Variants in ROBO1 observed in about 807,000 individuals in gnomAD.
The protein encoded by ROBO1 is roundabout homolog 1.
Under a neutral mutation model 195.9 loss-of-function variants are expected in ROBO1, and 149 were observed. The observed-to-expected ratio is 0.76, with a 90% CI of 0.67 to 0.87. The LOEUF (loss-of-function observed/expected upper bound fraction) is 0.87. Ranked by LOEUF, ROBO1 falls within the 40% of genes least tolerant of loss-of-function variation. ROBO1 has a pLI of 0.00. For missense variants in ROBO1, 1,933 were observed against 2,068.3 expected (o/e 0.93, Z 1.27); for synonymous variants, 816 against 733.2 (o/e 1.11, Z -1.82).
At chr3:79,363,543 T>C (rs2035852076) in intron 2 of ROBO1, among the ~76,000 whole-genome samples, 1 of 152,242 alleles carries the variant, frequency 6.6e-6, no homozygotes, top group Non-Finnish European at 1.5e-5. Flanking sequence ...ATATTTTTCC[T>C]GGAAGACCGT....
At chr3:78,661,801 T>C (rs547530542) in intron 15 of ROBO1, among the ~76,000 whole-genome samples, 192 bp downstream of exon 15, 16 of 152,162 alleles carry the variant, frequency 1.1e-4, no homozygotes, top group African/African-American at 3.9e-4. Context: ...TGCAGCACAA[T>C]AGGAAAAAAA....
intron 3 of ROBO1, among the ~76,000 whole-genome samples, chr3:78,943,059 A>C (rs928534722): frequency 6.6e-6 from 1 of 151,488 alleles, no homozygotes; most frequent in Admixed American, 6.6e-5. Context: ...CTAAAAATAC[A>C]AAAAAAATTA....
At chr3:79,371,588 A>G (rs1215315240) in intron 2 of ROBO1, among the ~76,000 whole-genome samples, 1 of 152,124 alleles carries the variant, frequency 6.6e-6, no homozygotes, top group Non-Finnish European at 1.5e-5. Context: ...TGCACATGTA[A>G]ACATGCAAAA....
chr3:78,884,350 G>A (rs555835299), intron 4 of ROBO1, among the ~76,000 whole-genome samples: 5 of 152,110 alleles, frequency 3.3e-5, no homozygotes, highest in Non-Finnish European at 5.9e-5. Flanking sequence ...GGTGGCTCAC[G>A]TCTGTAATCC....
chr3:79,438,326 T>C (rs1461498138), intron 2 of ROBO1, among the ~76,000 whole-genome samples: 1 of 151,942 alleles, frequency 6.6e-6, no homozygotes, highest in African/African-American at 2.4e-5. Context: ...CAATTTATAT[T>C]AACACTAACA....
intron 4 of ROBO1, among the ~76,000 whole-genome samples, chr3:78,787,583 C>T (rs1479984234): frequency 6.6e-6 from 1 of 152,144 alleles, no homozygotes; most frequent in Non-Finnish European, 1.5e-5. Context: ...CAAGCTATCA[C>T]CTATGTGCGG....
intron 3 of ROBO1, among the ~76,000 whole-genome samples, chr3:79,017,450 A>AGTGTGTGTGTGTGTGTGTGT (rs60522056): frequency 1.5e-5 from 2 of 133,432 alleles, no homozygotes; most frequent in Non-Finnish European, 3.2e-5. Flanking sequence ...TCCGAGGTGC[A>AGTGTGTGTGTGTGTGTGTGT]GTGTGTGTGT....
intron 2 of ROBO1, among the ~76,000 whole-genome samples, chr3:79,479,203 T>A (rs7642374): frequency 0.055 from 8,335 of 152,246 alleles, 752 homozygotes; most frequent in African/African-American, 0.19. Flanking sequence ...CCAACCTTTT[T>A]GGCACCTGGG....
chr3:79,700,317 T>TTGTGTGTGTGTGTGTGTG (rs71130610), intron 1 of ROBO1, among the ~76,000 whole-genome samples: 16 of 144,250 alleles, frequency 1.1e-4, no homozygotes, highest in South Asian at 6.6e-4. Flanking sequence ...GTGTGTGTGT[T>TTGTGTGTGTGTGTGTGTG]TGTGTGTGTG....
At chr3:78,677,789 C>A (rs1708530046) in intron 10 of ROBO1, among the ~76,000 whole-genome samples, 1 of 152,118 alleles carries the variant, frequency 6.6e-6, no homozygotes. Context: ...AACAAGCATA[C>A]CCAGGAATTG....
intron 2 of ROBO1, among the ~76,000 whole-genome samples, chr3:79,305,558 G>T (rs1418329004): frequency 1.4e-5 from 2 of 146,180 alleles, no homozygotes; most frequent in African/African-American, 5.0e-5. Context: ...ATACATTTTA[G>T]AAAATATTTT....
intron 2 of ROBO1, among the ~76,000 whole-genome samples, chr3:79,336,305 G>A (rs568524985): frequency 1.3e-5 from 2 of 152,292 alleles, no homozygotes; most frequent in African/African-American, 4.8e-5. Flanking sequence ...GGAAGCCTAG[G>A]AGGGAAAAAT....
At chr3:79,592,546 T>G (rs1436699420) in intron 1 of ROBO1, among the ~76,000 whole-genome samples, 1 of 151,990 alleles carries the variant, frequency 6.6e-6, no homozygotes, top group Admixed American at 6.6e-5. Flanking sequence ...TTTTAATAGA[T>G]TTTACCTTTT....
At chr3:79,620,465 CG>C (rs941429893) in intron 1 of ROBO1, among the ~76,000 whole-genome samples, 5 of 152,052 alleles carry the variant, frequency 3.3e-5, no homozygotes, top group African/African-American at 1.2e-4. Context: ...TGGGTATCGA[CG>C]GCCAGGCTTC....
At chr3:78,886,002 A>C (rs2036547943) in intron 4 of ROBO1, among the ~76,000 whole-genome samples, 1 of 148,756 alleles carries the variant, frequency 6.7e-6, no homozygotes, top group Non-Finnish European at 1.5e-5. Flanking sequence ...TTACCTATAC[A>C]TGAACAAGTT....
intron 4 of ROBO1, among the ~76,000 whole-genome samples, chr3:78,853,416 A>G (rs2034197929): frequency 6.7e-6 from 1 of 150,096 alleles, no homozygotes; most frequent in African/African-American, 2.4e-5. Flanking sequence ...CAGTATATAT[A>G]CATATATAAT....
At chr3:79,675,094 G>T (rs1454105144) in intron 1 of ROBO1, among the ~76,000 whole-genome samples, 1 of 151,792 alleles carries the variant, frequency 6.6e-6, no homozygotes, top group Non-Finnish European at 1.5e-5. Context: ...ACTATTTAAT[G>T]ATATCAAGCT....
In ROBO1 at chr3:79,550,195, G is replaced by GAAAGAAAGAAAGAAAGGAAAGAAAA; in HGVS notation, c.88+39628_88+39629insTTTTCTTTCCTTTCTTTCTTTCTTT. Among the ~76,000 whole-genome samples the GAAAGAAAGAAAGAAAGGAAAGAAAA allele has an allele frequency of 1.4e-4, 14 of 100,838 alleles. 1 individual carries two copies. The highest frequency in any genetic ancestry group is 4.7e-4 in the African/African-American group (10 of 21,442). 66.2% of individuals were successfully genotyped at this position (100,838 alleles called of 152,430 possible). A position where few individuals can be genotyped will look rare whatever the true frequency, so the allele number is the denominator to read the frequency against. On this transcript the variant is annotated intron_variant, in intron 2 of 30. Transcript: ENST00000464233. ...AGAAAGAAAGAAAGAAAGAAAGAAA[G>GAAAGAAAGAAAGAAAGGAAAGAAAA]GAAAAGAAAAGAAAAGAAAAGAAAA...
At chr3:79,581,567 C>A (rs554488176) in intron 2 of ROBO1, among the ~76,000 whole-genome samples, 1 of 152,196 alleles carries the variant, frequency 6.6e-6, no homozygotes, top group East Asian at 1.9e-4. Flanking sequence ...GTACAGCTGG[C>A]AATTTCTCTA....
Sources: allele counts gnomAD v4.1 joint callset (sites outside exome capture counted in the v4.1 genomes callset), GRCh38; gene constraint gnomAD v4.1.1; transcripts MANE v1.5; gene names NCBI Gene and HGNC (gene_info 2026-07-23, HGNC 2026-07-21).